NAV1: variants seen among roughly 807,000 people sequenced by gnomAD.
NAV1 encodes the protein neuron navigator 1, also known as pore membrane and/or filament interacting like protein 3.
A neutral mutation model predicts 175.2 loss-of-function variants in NAV1; 18 were observed. That is an observed-to-expected ratio of 0.10 (90% CI 0.07 to 0.15). NAV1 has a LOEUF of 0.15. Among genes scored for constraint, NAV1 ranks in the 10% least tolerant of loss-of-function variants. NAV1 has a pLI of 1.00. For missense variants in NAV1, 1,731 were observed against 2,436.6 expected, an observed-to-expected ratio of 0.71 and a Z score of 6.10; for synonymous variants, 897 against 978.7, an observed-to-expected ratio of 0.92 and a Z score of 1.56.
At chr1:201,727,281 G>A (rs181906344) in intron 3 of NAV1, among the ~76,000 whole-genome samples, 86 of 152,246 alleles carry the variant, frequency 5.6e-4, no homozygotes, top group South Asian at 2.9e-3. Flanking sequence ...GACAAAGAAT[G>A]TATTAACCTT....
At chr1:201,724,119 C>T (rs1049609980) in intron 3 of NAV1, 1 of 152,154 alleles carries the variant, frequency 6.6e-6, no homozygotes, top group Non-Finnish European at 1.5e-5. Context: ...GAAGTAGTCT[C>T]GCCAGGGTAA....
intron 13 of NAV1, chr1:201,793,292 G>A (rs929475652): frequency 6.5e-6 from 1 of 153,340 alleles, no homozygotes; most frequent in Non-Finnish European, 1.5e-5. Flanking sequence ...ACAAGGAGCA[G>A]CTGCAAAGCA....
Position 201,730,328 on chromosome 1 carries a change from G to A in NAV1, c.1226+11573G>A, listed in dbSNP as rs551733457. On this transcript the variant is annotated intron_variant, in intron 3 of 29. Transcript: ENST00000367296. ...GGAACTCAGATTAACTGGCTTGGGA[G>A]GATCATATAACTCAAAGTGGCCCCA... is the stretch of plus-strand genomic sequence containing the variant. Among the ~76,000 whole-genome samples the A allele has an allele frequency of 3.3e-5, 5 of 152,350 alleles. No homozygotes were observed. The South Asian group carries it at 1.0e-3, about 32-fold the overall frequency.
Position 201,572,156 on chromosome 1 carries a change from G to A in NAV1, c.-143-16383G>A, listed in dbSNP as rs537711487. Among the ~76,000 whole-genome samples the A allele has an allele frequency of 1.2e-3, 188 of 152,254 alleles. 2 individuals carry two copies. Among genetic ancestry groups the A allele is most frequent in the South Asian group, 1.7e-3 (8 of 4,822 alleles). ...AAGTTATGGGATTCATCATGGGATA[G>A]CGAGGAAACTGGGCAGCGGGGTTTT... On this transcript the variant is annotated intron_variant, in intron 1 of 33. Coordinates refer to the NAV1 transcript ENST00000685211.
intron 1 of NAV1, among the ~76,000 whole-genome samples, chr1:201,627,831 C>G (rs1668378675): frequency 6.6e-6 from 1 of 152,062 alleles, no homozygotes; most frequent in African/African-American, 2.4e-5. Context: ...CACTTGTGTA[C>G]TTGGACAGAC....
intron 1 of NAV1, among the ~76,000 whole-genome samples, chr1:201,587,224 C>G (rs1261368826): frequency 6.7e-6 from 1 of 148,926 alleles, no homozygotes; most frequent in East Asian, 2.0e-4. Context: ...GAAAGAAAAA[C>G]AAAGATGATA....
chr1:201,737,685 A>G (rs1486664639), intron 3 of NAV1, among the ~76,000 whole-genome samples: 1 of 151,484 alleles, frequency 6.6e-6, no homozygotes, highest in Admixed American at 6.6e-5. Context: ...CTCCAAGTAA[A>G]CCCCTGTGCC....
chr1:201,622,788 A>G (rs1196453608), upstream of NAV1: 11 of 976,150 alleles, frequency 1.1e-5, no homozygotes, highest in Non-Finnish European at 1.2e-5. Flanking sequence ...TCCTCTTTCT[A>G]CACTCAAGGA....
At chr1:201,793,603 A>G (rs569058607) in intron 13 of NAV1, 189 bp from the exon 18 acceptor site, 1 of 573,300 alleles carries the variant, frequency 1.7e-6, no homozygotes, top group Non-Finnish European at 3.1e-6. Flanking sequence ...GCTGGTTCCC[A>G]CCAGAAAATT....
Position 201,803,732 on chromosome 1 carries a change from G to T in NAV1, c.3639+18G>T. On this transcript the variant is annotated intron_variant, in intron 16 of 29. Coordinates refer to ENST00000367296, the Ensembl canonical transcript of NAV1. ...AGAGTTGGGTAGGTAAAGGTTTGGG[G>T]GGTGGGAAGTAGGTAGAACCGTGGT... The T allele has an allele frequency of 6.8e-7, 1 of 1,463,822 alleles. No individual in the cohort carries two copies. Among genetic ancestry groups the T allele is most frequent in the Non-Finnish European group, 9.0e-7 (1 of 1,110,524 alleles). 90.7% of individuals were successfully genotyped at this position (1,463,822 alleles called of 1,614,324 possible).
At position 201,747,542 on chromosome 1, in the gene NAV1, G is replaced by T. The variant is rs375633625; in HGVS notation, c.1226+28787G>T. On this transcript the variant is annotated intron_variant, in intron 3 of 29. Coordinates refer to ENST00000367296, the Ensembl canonical transcript of NAV1. ...TTTTGCCCCTAGACACAGTGGCGAA[G>T]ACAGCAGAGGGTGTTCCAGGGTACA... Among the ~76,000 whole-genome samples, 33 of 152,272 alleles carry T rather than the reference G, an allele frequency of 2.2e-4. 1 individual carries two copies. Among genetic ancestry groups the T allele is most frequent in the African/African-American group, 7.9e-4 (33 of 41,548 alleles).
chr1:201,572,688 C>T (rs1234002717), intron 1 of NAV1, among the ~76,000 whole-genome samples: 2 of 152,056 alleles, frequency 1.3e-5, no homozygotes, highest in Non-Finnish European at 2.9e-5. Context: ...TTCTTTTAGC[C>T]TTTATCACCA....
At chr1:201,553,360 C>T (rs1423353281) in intron 1 of NAV1, among the ~76,000 whole-genome samples, 1 of 152,234 alleles carries the variant, frequency 6.6e-6, no homozygotes, top group African/African-American at 2.4e-5. Flanking sequence ...TGGGCTGCTT[C>T]CTAAACTCAG....
At chr1:201,672,822 A>G (rs1336145290) in intron 1 of NAV1, among the ~76,000 whole-genome samples, 3 of 152,212 alleles carry the variant, frequency 2.0e-5, no homozygotes, top group Admixed American at 1.3e-4. Context: ...GCATGTTGTA[A>G]AAAACCTGCC....
intron 1 of NAV1, among the ~76,000 whole-genome samples, chr1:201,679,052 G>T (rs1195003138): frequency 6.6e-6 from 1 of 152,120 alleles, no homozygotes; most frequent in Non-Finnish European, 1.5e-5. Context: ...ATTTACTGGG[G>T]GGGAGACAGC....
chr1:201,552,544 T>G (rs12031425), intron 1 of NAV1, among the ~76,000 whole-genome samples: 21,825 of 152,116 alleles, frequency 0.14, 2,514 homozygotes, highest in East Asian at 0.51. Flanking sequence ...GGAGTCAGCC[T>G]GACCCGGGTT....
Position 201,559,117 on chromosome 1 carries a change from C to T in NAV1, c.-144+19775C>T, listed in dbSNP as rs896208647. 6.6e-5 allele frequency among the ~76,000 whole-genome samples: 10 copies of T among 152,230 alleles called. No homozygotes were observed. In the East Asian group the frequency reaches 1.5e-3, roughly 23 times the overall value. On this transcript the variant is annotated intron_variant, in intron 1 of 33. Transcript: ENST00000685211. ...TTCACAAGGATTGAAGGAGATAACG[C>T]GTATAACACCTTTAGCATAGCGCCA...
At chr1:201,602,416 A>G (rs1207325662) in intron 2 of NAV1, among the ~76,000 whole-genome samples, 1 of 152,038 alleles carries the variant, frequency 6.6e-6, no homozygotes, top group African/African-American at 2.4e-5. Context: ...GTCTCGGCTC[A>G]CTGGAACCTC....
chr1:201,696,094 A>C (rs911543283), intron 1 of NAV1, among the ~76,000 whole-genome samples: 2 of 151,996 alleles, frequency 1.3e-5, no homozygotes, highest in East Asian at 3.9e-4. Context: ...TTCCAGATAC[A>C]TGGGGGCCAG....
Sources: gnomAD v4.1 joint callset for allele counts (sites outside exome capture counted in the v4.1 genomes callset) on GRCh38, gnomAD v4.1.1 for gene constraint, MANE v1.5 for transcripts, NCBI Gene and HGNC (gene_info 2026-07-23, HGNC 2026-07-21) for gene names.